CSMD1: variants seen among roughly 807,000 people sequenced by gnomAD.
CSMD1 encodes CUB and Sushi multiple domains 1.
Under a neutral mutation model 417.5 loss-of-function variants are expected in CSMD1, and 213 were observed. The ratio of observed to expected loss-of-function variants is 0.51; its 90% CI spans 0.46 to 0.57. The LOEUF (loss-of-function observed/expected upper bound fraction) is 0.57. Ranked by LOEUF, CSMD1 falls within the 20% of genes least tolerant of loss-of-function variation. The pLI, the probability that CSMD1 is intolerant of heterozygous loss-of-function variation, is 0.00. For synonymous variants in CSMD1, 2,862 were observed against 1,736.8 expected (o/e 1.65, Z -16.11); for missense variants, 6,923 against 4,529.7 (o/e 1.53, Z -15.17).
intron 44 of CSMD1, 57 bp from the exon 45 acceptor site, chr8:3,107,855 C>T (rs1816249549): frequency 3.7e-6 from 4 of 1,076,712 alleles, no homozygotes; most frequent in African/African-American, 1.6e-5. Context: ...TGAATAAACA[C>T]AACTATTACA....
At chr8:3,150,552 G>A (rs375828363) in intron 40 of CSMD1, among the ~76,000 whole-genome samples, 252 of 152,258 alleles carry the variant, frequency 1.7e-3, no homozygotes, top group African/African-American at 5.9e-3. Context: ...TCTTCTTCCA[G>A]GGCAGTTATT....
intron 5 of CSMD1, among the ~76,000 whole-genome samples, chr8:3,917,278 G>T (rs1353396042): frequency 6.6e-6 from 1 of 152,126 alleles, no homozygotes; most frequent in Non-Finnish European, 1.5e-5. Context: ...ACGAACTGAA[G>T]TTCCTGAAAT....
rs148976977 is a variant in CSMD1 at position 4,353,206 on chromosome 8, G to A, written c.415+66747C>T. 1.1e-4 allele frequency among the ~76,000 whole-genome samples: 16 copies of A among 152,238 alleles called. No homozygotes were observed. The East Asian group carries it at 2.5e-3, about 24-fold the overall frequency. ...CACGTGTCAAGTGTGGAGCCAGGTG[G>A]AGACAAGTGAATCATGACGACGGTT... On this transcript the variant is annotated intron_variant, in intron 3 of 69. Coordinates refer to ENST00000635120, the MANE Select transcript of CSMD1 (RefSeq NM_033225.6).
At chr8:3,734,094 T>A (rs1016357039) in intron 6 of CSMD1, among the ~76,000 whole-genome samples, 5 of 152,168 alleles carry the variant, frequency 3.3e-5, no homozygotes, top group African/African-American at 9.7e-5. Flanking sequence ...TTCTTATCCT[T>A]GAGTTCCAAT....
chr8:3,666,276 C>G (rs1207803264), intron 7 of CSMD1, among the ~76,000 whole-genome samples: 1 of 151,892 alleles, frequency 6.6e-6, no homozygotes. Context: ...CTTATCTTTT[C>G]TTTAGTCTAT....
intron 1 of CSMD1, among the ~76,000 whole-genome samples, chr8:4,941,346 G>A (rs1807986042): frequency 6.6e-6 from 1 of 152,050 alleles, no homozygotes; most frequent in African/African-American, 2.4e-5. Context: ...AATGTTTTGA[G>A]TACTAAAATA....
chr8:4,955,417 T>C (rs889576785), intron 1 of CSMD1, among the ~76,000 whole-genome samples: 23 of 151,994 alleles, frequency 1.5e-4, no homozygotes, highest in African/African-American at 2.7e-4. Flanking sequence ...ACTGTGTCTG[T>C]TTGGTGGATG....
intron 10 of CSMD1, among the ~76,000 whole-genome samples, chr8:3,530,258 G>A (rs1410177212): frequency 6.6e-6 from 1 of 151,970 alleles, no homozygotes. Flanking sequence ...TTAGGTTGTT[G>A]ATTCAATATC....
intron 3 of CSMD1, among the ~76,000 whole-genome samples, chr8:4,128,239 G>T (rs753215660): frequency 6.6e-6 from 1 of 152,130 alleles, no homozygotes; most frequent in African/African-American, 2.4e-5. Context: ...TTTCTGCATG[G>T]CTGACAGGTG....
At chr8:3,710,270 C>T (rs4319128) in intron 6 of CSMD1, among the ~76,000 whole-genome samples, 148,452 of 152,200 alleles carry the variant, frequency 0.98, 72,490 homozygotes, top group East Asian at 1. Flanking sequence ...ACCTATGCTG[C>T]TCAAGGGTTA....
chr8:4,088,954 C>T (rs535582754), intron 3 of CSMD1, among the ~76,000 whole-genome samples: 3 of 152,272 alleles, frequency 2.0e-5, no homozygotes, highest in African/African-American at 4.8e-5. Context: ...CTGAATTCCA[C>T]GAAGGGTCAC....
At chr8:4,085,419 G>T (rs1171173859) in intron 3 of CSMD1, among the ~76,000 whole-genome samples, 3 of 152,202 alleles carry the variant, frequency 2.0e-5, no homozygotes, top group South Asian at 2.1e-4. Context: ...ACATTGTGGT[G>T]ATTTTGATTA....
chr8:3,052,958 C>G lies in CSMD1; in HGVS notation c.7475-311G>C, dbSNP rs114333527. Among the ~76,000 whole-genome samples the G allele has an allele frequency of 8.4e-3, 1,283 of 151,918 alleles. 12 individuals are homozygous for G. The highest frequency in any genetic ancestry group is 0.03 in the African/African-American group (1,234 of 41,430). ...GTGCACACCACCATGCTGGCTAATT[C>G]TCTATTTTTAGTACAGACTATTTAT... is the stretch of plus-strand genomic sequence containing the variant. On this transcript the variant is annotated intron_variant, in intron 49 of 69. Coordinates refer to ENST00000635120, the MANE Select transcript of CSMD1 (RefSeq NM_033225.6).
intron 10 of CSMD1, among the ~76,000 whole-genome samples, chr8:3,563,597 A>AT (rs1164097764): frequency 6.6e-6 from 1 of 152,104 alleles, no homozygotes; most frequent in African/African-American, 2.4e-5. Flanking sequence ...AAGTAAAAAC[A>AT]TTTTTTAACC....
intron 3 of CSMD1, among the ~76,000 whole-genome samples, chr8:4,315,728 G>A (rs965883417): frequency 3.9e-5 from 6 of 152,068 alleles, no homozygotes; most frequent in Non-Finnish European, 8.8e-5. Context: ...ATTGAGCTGT[G>A]CAAAAAAGAA....
At chr8:3,832,408 T>G (rs1467427487) in intron 5 of CSMD1, among the ~76,000 whole-genome samples, 1 of 152,230 alleles carries the variant, frequency 6.6e-6, no homozygotes. Context: ...TATTTTAAAC[T>G]ACTATATTTC....
intron 5 of CSMD1, among the ~76,000 whole-genome samples, chr8:3,925,896 T>A (rs957667080): frequency 6.6e-6 from 1 of 152,056 alleles, no homozygotes; most frequent in Non-Finnish European, 1.5e-5. Context: ...TTTTTAAATA[T>A]ATACTATCTG....
intron 3 of CSMD1, among the ~76,000 whole-genome samples, chr8:4,032,422 A>C (rs1797395909): frequency 6.7e-6 from 1 of 149,376 alleles, no homozygotes; most frequent in African/African-American, 2.4e-5. Flanking sequence ...TTACTCCTAT[A>C]GTGAGCAACC....
chr8:3,185,003 A>G (rs1305130923), intron 36 of CSMD1, among the ~76,000 whole-genome samples: 2 of 152,168 alleles, frequency 1.3e-5, no homozygotes, highest in Admixed American at 1.3e-4. Flanking sequence ...CCTTTATAAT[A>G]TAGTCTTAAT....
Sources: allele counts gnomAD v4.1 joint callset (sites outside exome capture counted in the v4.1 genomes callset), GRCh38; gene constraint gnomAD v4.1.1; transcripts MANE v1.5; gene names NCBI Gene and HGNC (gene_info 2026-07-23, HGNC 2026-07-21).